The following PKD1L3 variants were observed in gnomAD, a reference collection of about 807,000 sequenced individuals.
The protein encoded by PKD1L3 is polycystin 1 like 3, transient receptor potential channel interacting, also known as polycystin-1-like protein 3.
Under a neutral mutation model 184.1 loss-of-function variants are expected in PKD1L3, and 239 were observed. That is an observed-to-expected ratio of 1.30 (90% CI 1.17 to 1.45). The LOEUF (loss-of-function observed/expected upper bound fraction) is 1.45. Ranked by LOEUF, PKD1L3 falls within the 40% of genes most tolerant of loss-of-function variation. PKD1L3 has a pLI of 0.00. For synonymous variants in PKD1L3, 996 were observed against 778.8 expected, an observed-to-expected ratio of 1.28 and a Z score of -4.64; for missense variants, 2,660 against 2,067.2, an observed-to-expected ratio of 1.29 and a Z score of -5.56.
intron 23 of PKD1L3, among the ~76,000 whole-genome samples, chr16:71,943,558 A>AC (rs1555514237): frequency 5.9e-5 from 9 of 151,274 alleles, no homozygotes; most frequent in East Asian, 1.9e-4. Flanking sequence ...AAAAAAAAAA[A>AC]CATAAAATCC....
At chr16:71,976,697 T>C (rs1014694525) in intron 11 of PKD1L3, among the ~76,000 whole-genome samples, 39 of 152,306 alleles carry the variant, frequency 2.6e-4, no homozygotes, top group African/African-American at 8.9e-4. Context: ...GACAGGAAGA[T>C]TGCTTGAAGC....
intron 11 of PKD1L3, among the ~76,000 whole-genome samples, chr16:71,976,293 C>T (rs11648557): frequency 0.31 from 17,658 of 56,178 alleles, 1,578 homozygotes; most frequent in South Asian, 0.41. Context: ...GACAGTCTTG[C>T]TCTGTAGCCT....
At chr16:71,959,518 A>T (rs940359719) in intron 16 of PKD1L3, among the ~76,000 whole-genome samples, 2 of 152,250 alleles carry the variant, frequency 1.3e-5, no homozygotes, top group African/African-American at 4.8e-5. Flanking sequence ...TATGAAAGGA[A>T]AAACCTTTTT....
At chr16:71,990,397 G>A (rs1189604357) in intron 3 of PKD1L3, 68 bp from the exon 4 acceptor site, 11 of 1,323,594 alleles carry the variant, frequency 8.3e-6, no homozygotes, top group Non-Finnish European at 1.1e-5. Flanking sequence ...TTTTACTTGA[G>A]GACTTCTTAT....
At chr16:71,939,102 T>A (rs2038276035) in intron 24 of PKD1L3, among the ~76,000 whole-genome samples, 1 of 152,200 alleles carries the variant, frequency 6.6e-6, no homozygotes, top group Non-Finnish European at 1.5e-5. Context: ...CACCATGGCA[T>A]TCCTCAGATG....
At chr16:71,980,275 T>C in intron 7 of PKD1L3, 141 bp from the exon 8 acceptor site, 1 of 1,185,358 alleles carries the variant, frequency 8.4e-7, no homozygotes, top group Non-Finnish European at 1.2e-6. Flanking sequence ...GACCTTGGAA[T>C]CTCACAGAAA....
At chr16:71,958,812 C>T (rs143578173) in intron 16 of PKD1L3, among the ~76,000 whole-genome samples, 3,166 of 135,614 alleles carry the variant, frequency 0.023, 52 homozygotes, top group Middle Eastern at 0.056. Context: ...AAAAGTCGGG[C>T]ACGGTGGCTC....
At chr16:71,985,241 C>A (rs2040311780) in intron 5 of PKD1L3, among the ~76,000 whole-genome samples, 1 of 152,106 alleles carries the variant, frequency 6.6e-6, no homozygotes, top group South Asian at 2.1e-4. Flanking sequence ...TCCTGTAGGT[C>A]AGTTTCTCCC....
At chr16:71,974,557 G>A (rs919117049) in intron 11 of PKD1L3, among the ~76,000 whole-genome samples, 1 of 152,094 alleles carries the variant, frequency 6.6e-6, no homozygotes, top group Non-Finnish European at 1.5e-5. Context: ...TGGCATATGC[G>A]CCTGCAGTCC....
At chr16:71,943,537 CAAAAAAAA>C (rs10693124) in intron 23 of PKD1L3, among the ~76,000 whole-genome samples, 4 of 84,544 alleles carry the variant, frequency 4.7e-5, no homozygotes, top group Non-Finnish European at 8.6e-5. Flanking sequence ...GACTCCGTCT[CAAAAAAAA>C]AAAAAAAAAA....
chr16:71,947,740 G>A (rs1258444164), intron 21 of PKD1L3, 149 bp from the exon 22 acceptor site: 4 of 596,142 alleles, frequency 6.7e-6, no homozygotes, highest in Non-Finnish European at 1.2e-5. Context: ...ATTAATTTTT[G>A]CACAATGATG....
At chr16:71,945,935 A>T (rs2038586262) in intron 22 of PKD1L3, among the ~76,000 whole-genome samples, 1 of 152,198 alleles carries the variant, frequency 6.6e-6, no homozygotes, top group South Asian at 2.1e-4. Context: ...ATGCACAGAG[A>T]AACAAAATAA....
chr16:71,931,616 C>T (rs938838591), intron 28 of PKD1L3, among the ~76,000 whole-genome samples: 1 of 151,862 alleles, frequency 6.6e-6, no homozygotes, highest in Admixed American at 6.6e-5. Flanking sequence ...AGGTTCCCAC[C>T]ACCATGCCTG....
chr16:71,967,884 G>A, intron 14 of PKD1L3, 22 bp downstream of exon 14: 3 of 1,534,014 alleles, frequency 2.0e-6, no homozygotes, highest in Non-Finnish European at 2.7e-6. Flanking sequence ...AAGGCAATGT[G>A]AAAAACATTT....
At chr16:71,985,900 G>C (rs568212717) in intron 5 of PKD1L3, among the ~76,000 whole-genome samples, 20 of 152,312 alleles carry the variant, frequency 1.3e-4, no homozygotes, top group Non-Finnish European at 2.6e-4. Context: ...AGGAAACAAG[G>C]CGGAGAGAGG....
chr16:71,954,072 C>T (rs985878829), intron 17 of PKD1L3, 33 bp downstream of exon 17: 18 of 1,439,866 alleles, frequency 1.3e-5, no homozygotes, highest in Non-Finnish European at 1.6e-5. Context: ...GGATTGCTTA[C>T]TACAAACAAC....
At chr16:71,940,079 G>C (rs4506903) in intron 24 of PKD1L3, among the ~76,000 whole-genome samples, 1 of 151,990 alleles carries the variant, frequency 6.6e-6, no homozygotes, top group South Asian at 2.1e-4. Flanking sequence ...TCTGAAGGTA[G>C]AAGTTCAGGT....
Position 71,967,160 on chromosome 16 carries a change from G to C in PKD1L3, c.2442C>G (p.Asp814Glu), listed in dbSNP as rs1196477724. Residue 814 changes from aspartate to glutamate, a missense_variant, in exon 15 of 30, where the codon GAC becomes GAG. Asp to Glu is a conservative substitution (Grantham distance 45, BLOSUM62 2). Coordinates refer to ENST00000620267, the MANE Select transcript of PKD1L3 (RefSeq NM_181536.2). ...GNLHSLRLWHDNSGVSPSWYV... is the reference protein window; with the variant it reads ...GNLHSLRLWHENSGVSPSWYV... ...ACCAGGAGGGACTGACGCCAGAATT[G>C]TCATGCCAGAGCCGAAGGCTGTGCA... 6.4e-7 allele frequency: 1 copy of C among 1,551,686 alleles called. No individual in the cohort carries two copies. Among genetic ancestry groups the C allele is most frequent in the Non-Finnish European group, 8.7e-7 (1 of 1,146,950 alleles).
chr16:71,953,016 C>A lies in PKD1L3; in HGVS notation c.2887G>T (p.Val963Phe), dbSNP rs1029589962. 6.5e-7 allele frequency: 1 copy of A among 1,548,974 alleles called. No homozygotes were observed. The highest frequency in any genetic ancestry group is 1.7e-4 in the Middle Eastern group (1 of 5,988). The change falls in exon 18 of 30, where the codon GTC becomes TTC. Residue 963 changes from valine (V) to phenylalanine (F), a missense_variant. By Grantham distance (50) the Val-to-Phe change is conservative. Coordinates refer to ENST00000620267, the MANE Select transcript of PKD1L3 (RefSeq NM_181536.2). ...ATCAACGGGAAGAGCCGCCCTATGA[C>A]AAGATTGATTGGGAAGAGGATGACA... is the stretch of plus-strand genomic sequence containing the variant. ...TAVILFPINL[V>F]IGRLFPLIEP... is the part of the protein sequence containing the mutation.
Sources: gnomAD v4.1 joint callset for allele counts (sites outside exome capture counted in the v4.1 genomes callset) on GRCh38, gnomAD v4.1.1 for gene constraint, MANE v1.5 for transcripts, NCBI Gene and HGNC (gene_info 2026-07-23, HGNC 2026-07-21) for gene names.